RREB1: variants seen among roughly 807,000 people sequenced by gnomAD.
RREB1 encodes ras responsive element binding protein 1, also known as ras-responsive element-binding protein 1.
In RREB1, 27 loss-of-function variants were observed where a neutral mutation model predicts 117.8. The observed-to-expected ratio is 0.23, with a 90% CI of 0.17 to 0.32. RREB1 has a LOEUF of 0.32. Ranked by LOEUF, RREB1 falls within the 10% of genes least tolerant of loss-of-function variation. RREB1 has a pLI of 1.00. For missense variants in RREB1, 2,577 were observed against 2,378.2 expected (o/e 1.08, Z -1.74); for synonymous variants, 1,298 against 1,026.7 (o/e 1.26, Z -5.05).
At chr6:7,166,234 C>A (rs976106151) in intron 1 of RREB1, among the ~76,000 whole-genome samples, 3 of 152,226 alleles carry the variant, frequency 2.0e-5, no homozygotes, top group African/African-American at 7.2e-5. Flanking sequence ...AACATGCCAC[C>A]TCCTCTCCCA....
chr6:7,160,073 G>A (rs944534410), intron 1 of RREB1, among the ~76,000 whole-genome samples: 20 of 151,948 alleles, frequency 1.3e-4, no homozygotes, highest in African/African-American at 4.8e-4. Flanking sequence ...TTGGGGGAGG[G>A]AGGGCAGGGT....
At chr6:7,165,531 T>C (rs1282716191) in intron 1 of RREB1, among the ~76,000 whole-genome samples, 1 of 152,104 alleles carries the variant, frequency 6.6e-6, no homozygotes, top group East Asian at 1.9e-4. Flanking sequence ...AAAATACTGG[T>C]AGAGGTAGGC....
chr6:7,246,658 C>T lies in RREB1; in HGVS notation c.4208C>T (p.Ala1403Val). The T allele has an allele frequency of 1.9e-6, 3 of 1,576,908 alleles. No homozygotes were observed. Among genetic ancestry groups the T allele is most frequent in the Non-Finnish European group, 2.6e-6 (3 of 1,161,504 alleles). ...GGCACTGAGGAGAGCACTGGGGACG[C>T]CGACGGCGCGGAAGAGGACGCGTCG... ...EHGTEESTGD[A>V]DGAEEDASSN... Residue 1403 changes from alanine to valine, a missense_variant, in exon 12 of 13, where the codon GCC (alanine) becomes GTC (valine). Transcript: ENST00000379938.
intron 1 of RREB1, among the ~76,000 whole-genome samples, chr6:7,118,973 A>G (rs1222062217): frequency 6.6e-6 from 1 of 151,530 alleles, no homozygotes; most frequent in African/African-American, 2.4e-5. Context: ...TATTTTTTTA[A>G]CATTTACAGA....
At position 7,246,983 on chromosome 6, in the gene RREB1, C is replaced by T. The variant is rs770202289; in HGVS notation, c.4533C>T (p.Ala1511=). ...PETPAEVVES[A]PGAGEAPAEK... ...CCCCGGCAGAGGTGGTGGAGTCGGC[C>T]CCGGGTGCCGGGGAGGCCCCGGCGG... Residue 1511 remains alanine, a synonymous_variant, in exon 12 of 13, where the codon GCC becomes GCT. Transcript: ENST00000379938. 20 of 1,588,068 alleles carry T rather than the reference C, an allele frequency of 1.3e-5. No homozygotes were observed. In the South Asian group the frequency reaches 2.2e-4, roughly 17 times the overall value.
At chr6:7,145,937 T>C (rs1762832691) in intron 1 of RREB1, among the ~76,000 whole-genome samples, 1 of 151,072 alleles carries the variant, frequency 6.6e-6, no homozygotes. Context: ...GCAGAACAGG[T>C]TGGGCAAGAC....
At chr6:7,121,948 G>A (rs1761699101) in intron 1 of RREB1, among the ~76,000 whole-genome samples, 1 of 152,080 alleles carries the variant, frequency 6.6e-6, no homozygotes, top group South Asian at 2.1e-4. Context: ...CTCAGCAAGT[G>A]GTTGTCACCT....
At chr6:7,227,077 C>T (rs1767625865) in intron 9 of RREB1, among the ~76,000 whole-genome samples, 1 of 152,022 alleles carries the variant, frequency 6.6e-6, no homozygotes, top group Admixed American at 6.5e-5. Context: ...TTTATCTCTA[C>T]AAAAAATTTA....
chr6:7,236,191 C>T (rs1463588488), intron 10 of RREB1, among the ~76,000 whole-genome samples: 1 of 152,192 alleles, frequency 6.6e-6, no homozygotes, highest in African/African-American at 2.4e-5. Flanking sequence ...CCAGGAAACA[C>T]AGCCAGTCTG....
Position 7,207,312 on chromosome 6 carries a change from A to T in RREB1, c.426-3492A>T, listed in dbSNP as rs1360751. On this transcript the variant is annotated intron_variant, in intron 6 of 12. Coordinates refer to ENST00000379938, the MANE Select transcript of RREB1 (RefSeq NM_001003699.4). ...TCTAGTGCTCAGCCACTTTGCAGAA[A>T]GGCAGTCACTCATTTCTACTCTCAC... Among the ~76,000 whole-genome samples the T allele has an allele frequency of 9.2e-5, 14 of 152,144 alleles. 1 individual carries two copies. In the South Asian group the frequency reaches 1.7e-3, roughly 18 times the overall value.
At position 7,134,910 on chromosome 6, in the gene RREB1, T is replaced by G. The variant is rs1231211838; in HGVS notation, c.-285+26850T>G. ...TTAGGAAGATATATTTTCTTCCACC[T>G]GTTCATACACTGAACGGTTTCCAGA... On this transcript the variant is annotated intron_variant, in intron 1 of 12. Coordinates refer to ENST00000379938, the MANE Select transcript of RREB1 (RefSeq NM_001003699.4). Among the ~76,000 whole-genome samples, 3 of 152,372 alleles carry G rather than the reference T, an allele frequency of 2.0e-5. No individual in the cohort carries two copies. The East Asian group carries it at 5.8e-4, about 29-fold the overall frequency.
At chr6:7,184,998 G>T (rs948313363) in intron 4 of RREB1, 1 of 152,216 alleles carries the variant, frequency 6.6e-6, no homozygotes, top group South Asian at 2.1e-4. Flanking sequence ...GTCTTACTTT[G>T]TTGCTGTTGC....
intron 8 of RREB1, chr6:7,214,098 T>C (rs1402211709): frequency 6.6e-6 from 1 of 152,064 alleles, no homozygotes; most frequent in African/African-American, 2.4e-5. Flanking sequence ...TGCACAGAGG[T>C]TGGAGATGGG....
rs932462924 is a variant in RREB1, at chr6:7,175,373, G to T, written c.-284-1282G>T. 1.3e-5 allele frequency among the ~76,000 whole-genome samples: 2 copies of T among 151,046 alleles called. 1 individual carries two copies. ...GTGCATTGTTTCAGTGGGGTGGGAT[G>T]GGGGGGGTATAATGTCCAGTTTGAG... On this transcript the variant is annotated intron_variant, in intron 1 of 12. Coordinates refer to ENST00000379938, the MANE Select transcript of RREB1 (RefSeq NM_001003699.4).
chr6:7,241,687 A>C (rs573059553), intron 11 of RREB1, among the ~76,000 whole-genome samples: 2 of 152,218 alleles, frequency 1.3e-5, no homozygotes, highest in East Asian at 3.9e-4. Flanking sequence ...GTGTATCTGA[A>C]GTGGAGAGGC....
intron 1 of RREB1, among the ~76,000 whole-genome samples, chr6:7,133,911 A>T (rs1581429382): frequency 6.6e-6 from 1 of 152,262 alleles, no homozygotes; most frequent in East Asian, 1.9e-4. Flanking sequence ...GGACAATAAA[A>T]CCCATTTTTG....
chr6:7,230,938 G>A lies in RREB1; in HGVS notation c.2839G>A (p.Asp947Asn). 1 of 1,614,014 alleles carries A rather than the reference G, an allele frequency of 6.2e-7. No homozygotes were observed. The highest frequency in any genetic ancestry group is 8.5e-7 in the Non-Finnish European group (1 of 1,179,928). The change falls in exon 10 of 13, where the codon GAC (aspartate) becomes AAC (asparagine). Residue 947 changes from aspartate (D) to asparagine (N), a missense_variant. Physicochemically the swap from Asp to Asn is conservative, Grantham distance 23. Transcript: ENST00000379938. The stretch of plus-strand genomic sequence containing the variant: ...CATCCCCAAGAACTTCAGGAAAGGG[G>A]ACAAGGATTTGGCCACTCCCAGCGA... ...LSIPKNFRKGDKDLATPSEAK... is the reference protein window; with the variant it reads ...LSIPKNFRKGNKDLATPSEAK...
intron 6 of RREB1, among the ~76,000 whole-genome samples, chr6:7,196,461 C>T (rs1765684903): frequency 6.6e-6 from 1 of 151,812 alleles, no homozygotes; most frequent in Non-Finnish European, 1.5e-5. Flanking sequence ...TAAGAGGACA[C>T]TCAGAATTGT....
Position 7,187,503 on chromosome 6 carries a change from C to T in RREB1, c.241C>T (p.Leu81=), listed in dbSNP as rs1406890147. 1.3e-6 allele frequency: 2 copies of T among 1,554,062 alleles called. No individual in the cohort carries two copies. Among genetic ancestry groups the T allele is most frequent in the Non-Finnish European group, 8.7e-7 (1 of 1,143,404 alleles). ...CEKICTTQHQ[L]TMHIRQHNTD... ...GAAGATTTGCACTACCCAGCACCAG[C>T]TGACCATGCACATTCGCCAGGTAGA... is the stretch of plus-strand genomic sequence containing the variant. The change falls in exon 5 of 13, where the codon CTG becomes TTG. Residue 81 remains leucine (L), a synonymous_variant. Transcript: ENST00000379938.
Sources: gnomAD v4.1 joint callset for allele counts (sites outside exome capture counted in the v4.1 genomes callset) on GRCh38, gnomAD v4.1.1 for gene constraint, MANE v1.5 for transcripts, NCBI Gene and HGNC (gene_info 2026-07-23, HGNC 2026-07-21) for gene names.